The following CACNA1D variants were observed in gnomAD, a reference collection of about 807,000 sequenced individuals.
CACNA1D encodes the protein calcium voltage-gated channel subunit alpha1 D, also known as voltage-dependent L-type calcium channel subunit alpha-1D.
A neutral mutation model predicts 257.1 loss-of-function variants in CACNA1D; 55 were observed. The observed-to-expected ratio is 0.21, with a 90% CI of 0.17 to 0.27. The LOEUF is 0.27. CACNA1D is among the 10% of genes least tolerant of loss of function. The pLI is 1.00. For synonymous variants in CACNA1D, 980 were observed against 1,014.9 expected (o/e 0.97, Z 0.65); for missense variants, 1,876 against 2,784.0 (o/e 0.67, Z 7.34).
intron 3 of CACNA1D, among the ~76,000 whole-genome samples, chr3:53,532,067 A>C (rs944064295): frequency 6.6e-6 from 1 of 152,184 alleles, no homozygotes; most frequent in African/African-American, 2.4e-5. Context: ...GTTTATAGCC[A>C]AGGGGAGGTG....
At chr3:53,569,449 A>G (rs1279993689) in intron 3 of CACNA1D, among the ~76,000 whole-genome samples, 3 of 152,234 alleles carry the variant, frequency 2.0e-5, no homozygotes, top group Non-Finnish European at 2.9e-5. Flanking sequence ...TGTTGTATCC[A>G]TAGCACTTAG....
At chr3:53,759,041 C>T (rs892501797) in intron 29 of CACNA1D, among the ~76,000 whole-genome samples, 2 of 152,132 alleles carry the variant, frequency 1.3e-5, no homozygotes, top group African/African-American at 4.8e-5. Context: ...CCTGTCAGAG[C>T]CACCTGGTCA....
intron 4 of CACNA1D, among the ~76,000 whole-genome samples, chr3:53,654,515 A>T (rs2094129880): frequency 1.3e-5 from 2 of 152,162 alleles, no homozygotes; most frequent in South Asian, 4.1e-4. Context: ...TACCTTTAAG[A>T]TGTATATTGT....
chr3:53,738,480 A>G (rs895424657), intron 20 of CACNA1D, among the ~76,000 whole-genome samples: 2 of 152,212 alleles, frequency 1.3e-5, no homozygotes, highest in Admixed American at 1.3e-4. Flanking sequence ...TCATTCCATC[A>G]TAAAAAAAGG....
At chr3:53,545,674 C>CA (rs1311047197) in intron 3 of CACNA1D, among the ~76,000 whole-genome samples, 1 of 152,148 alleles carries the variant, frequency 6.6e-6, no homozygotes, top group Non-Finnish European at 1.5e-5. Flanking sequence ...AGACTGACCT[C>CA]AAAATCCCTG....
At chr3:53,653,192 A>G (rs902184230) in intron 4 of CACNA1D, among the ~76,000 whole-genome samples, 2 of 152,224 alleles carry the variant, frequency 1.3e-5, no homozygotes, top group African/African-American at 4.8e-5. Flanking sequence ...CAGGGGTTGC[A>G]GTGAGCCAAA....
At chr3:53,746,878 G>A (rs1467562473) in intron 25 of CACNA1D, among the ~76,000 whole-genome samples, 1 of 152,230 alleles carries the variant, frequency 6.6e-6, no homozygotes, top group Non-Finnish European at 1.5e-5. Flanking sequence ...AGTAAGAAGA[G>A]AAAGGGATTT....
At chr3:53,518,300 G>T (rs1013535905) in intron 3 of CACNA1D, among the ~76,000 whole-genome samples, 16 of 152,202 alleles carry the variant, frequency 1.1e-4, no homozygotes, top group Non-Finnish European at 1.8e-4. Flanking sequence ...CTCCTTGTGA[G>T]CAGGGACCCA....
chr3:53,804,895 G>A (rs1459156517), intron 44 of CACNA1D, 88 bp from the exon 45 acceptor site: 12 of 1,224,580 alleles, frequency 9.8e-6, no homozygotes, highest in Non-Finnish European at 1.2e-5. Context: ...GGGAGGAGGC[G>A]GGGAGAGGAG....
intron 3 of CACNA1D, among the ~76,000 whole-genome samples, chr3:53,626,702 G>T (rs1453142115): frequency 1.3e-5 from 2 of 152,154 alleles, no homozygotes; most frequent in African/African-American, 4.8e-5. Context: ...ATCAGTTCTT[G>T]CCTCTCTCTG....
intron 3 of CACNA1D, among the ~76,000 whole-genome samples, chr3:53,504,524 C>G (rs1282621913): frequency 2.6e-5 from 4 of 152,092 alleles, no homozygotes; most frequent in Non-Finnish European, 5.9e-5. Flanking sequence ...AATATAAACA[C>G]TCTCAAGTTT....
At chr3:53,579,027 C>T (rs1444054941) in intron 3 of CACNA1D, among the ~76,000 whole-genome samples, 1 of 152,130 alleles carries the variant, frequency 6.6e-6, no homozygotes, top group Non-Finnish European at 1.5e-5. Flanking sequence ...AGCCTGTGGC[C>T]AGGCCCGAGC....
intron 3 of CACNA1D, among the ~76,000 whole-genome samples, chr3:53,616,903 C>G (rs1576104413): frequency 6.6e-6 from 1 of 152,078 alleles, no homozygotes; most frequent in African/African-American, 2.4e-5. Context: ...GATGGTATGT[C>G]TCCCTGGTGG....
At chr3:53,530,868 A>G (rs191712881) in intron 3 of CACNA1D, among the ~76,000 whole-genome samples, 212 of 150,872 alleles carry the variant, frequency 1.4e-3, no homozygotes, top group African/African-American at 5.0e-3. Context: ...TTTTTTTCTG[A>G]GACAAGGTCT....
rs78149423 is a variant in CACNA1D at position 53,647,979 on chromosome 3, G to A, written c.484-2800G>A. Reference sequence around the variant, plus strand: ...TAAAAAGCAGGGAGAGGGCAAAGGAGAAGGAAAAAGAACGTTAAACAGTTC... The same window carrying A: ...TAAAAAGCAGGGAGAGGGCAAAGGAAAAGGAAAAAGAACGTTAAACAGTTC... On this transcript the variant is annotated intron_variant, in intron 3 of 47. Transcript: ENST00000350061. 3.5e-3 allele frequency among the ~76,000 whole-genome samples: 538 copies of A among 152,304 alleles called. 2 individuals carry two copies. The highest frequency in any genetic ancestry group is 0.012 in the African/African-American group (515 of 41,580).
chr3:53,502,628 AT>A (rs2090655941), intron 3 of CACNA1D, among the ~76,000 whole-genome samples: 1 of 151,888 alleles, frequency 6.6e-6, no homozygotes, highest in Non-Finnish European at 1.5e-5. Flanking sequence ...AACTAGCTGT[AT>A]TTGGGGTCAT....
intron 33 of CACNA1D, chr3:53,773,501 T>C (rs1421554170): frequency 1.3e-5 from 2 of 154,854 alleles, no homozygotes; most frequent in African/African-American, 4.8e-5. Flanking sequence ...AGTCTAAGAA[T>C]GGAGGCAGTC....
chr3:53,568,483 A>C (rs372871378), intron 3 of CACNA1D, among the ~76,000 whole-genome samples: 1 of 152,154 alleles, frequency 6.6e-6, no homozygotes, highest in Non-Finnish European at 1.5e-5. Context: ...AAAAGCGCCC[A>C]CTGCCACATC....
intron 32 of CACNA1D, among the ~76,000 whole-genome samples, chr3:53,771,953 G>A (rs1477952149): frequency 6.6e-6 from 1 of 152,226 alleles, no homozygotes; most frequent in East Asian, 1.9e-4. Context: ...GAAGGTGGCT[G>A]AGCACCTGTG....
Sources: allele counts gnomAD v4.1 joint callset (sites outside exome capture counted in the v4.1 genomes callset), GRCh38; gene constraint gnomAD v4.1.1; transcripts MANE v1.5; gene names NCBI Gene and HGNC (gene_info 2026-07-23, HGNC 2026-07-21).